USH2A: variants seen among roughly 807,000 people sequenced by gnomAD.
USH2A encodes the protein usherin.
In USH2A, 443 loss-of-function variants were observed where a neutral mutation model predicts 538.9. The observed-to-expected ratio is 0.82, with a 90% confidence interval of 0.76 to 0.89. USH2A has a LOEUF of 0.89. Among genes scored for constraint, USH2A ranks in the 40% least tolerant of loss-of-function variants. The pLI is 0.00. For synonymous variants in USH2A, 2,413 were observed against 2,273.5 expected (o/e 1.06, Z -1.75); for missense variants, 6,633 against 6,324.8 (o/e 1.05, Z -1.65).
At chr1:216,006,666 A>G (rs961900202) in intron 32 of USH2A, among the ~76,000 whole-genome samples, 1 of 152,008 alleles carries the variant, frequency 6.6e-6, no homozygotes, top group Non-Finnish European at 1.5e-5. Flanking sequence ...TCTCTTCATT[A>G]TATTGATTTG....
chr1:216,414,192 C>G (rs1349495331), intron 3 of USH2A, among the ~76,000 whole-genome samples: 1 of 151,872 alleles, frequency 6.6e-6, no homozygotes, highest in Non-Finnish European at 1.5e-5. Flanking sequence ...TTGATTTTTT[C>G]TAGTTTTAGT....
chr1:216,413,468 T>G (rs1028759661), intron 3 of USH2A, among the ~76,000 whole-genome samples: 1 of 152,090 alleles, frequency 6.6e-6, no homozygotes, highest in African/African-American at 2.4e-5. Flanking sequence ...GGTTTATCTA[T>G]TCTAACAAAT....
At chr1:216,130,081 G>A (rs1414451486) in intron 21 of USH2A, among the ~76,000 whole-genome samples, 1 of 152,052 alleles carries the variant, frequency 6.6e-6, no homozygotes, top group African/African-American at 2.4e-5. Flanking sequence ...AGACTCAAAT[G>A]TAAGACCAGA....
intron 43 of USH2A, among the ~76,000 whole-genome samples, chr1:215,872,390 T>C (rs1291496460): frequency 1.3e-5 from 2 of 152,202 alleles, no homozygotes; most frequent in Admixed American, 6.5e-5. Flanking sequence ...ATATTTTTAA[T>C]ATGAGACATT....
chr1:215,973,310 C>A (rs1256752124), intron 35 of USH2A, among the ~76,000 whole-genome samples: 2 of 152,076 alleles, frequency 1.3e-5, no homozygotes, highest in Non-Finnish European at 2.9e-5. Context: ...AGTTAATTTT[C>A]ATTGAAACTA....
intron 9 of USH2A, among the ~76,000 whole-genome samples, chr1:216,294,824 T>C (rs2037072493): frequency 6.6e-6 from 1 of 151,972 alleles, no homozygotes; most frequent in African/African-American, 2.4e-5. Flanking sequence ...AATGCCAATC[T>C]TCACCTAGTT....
At chr1:216,067,133 C>T (rs190029650) in intron 30 of USH2A, among the ~76,000 whole-genome samples, 60 of 152,222 alleles carry the variant, frequency 3.9e-4, no homozygotes, top group Non-Finnish European at 5.3e-4. Context: ...AAGCTAGAAG[C>T]CATCATTCTC....
At chr1:216,131,367 G>A (rs1444455557) in intron 21 of USH2A, among the ~76,000 whole-genome samples, 1 of 151,890 alleles carries the variant, frequency 6.6e-6, no homozygotes, top group East Asian at 1.9e-4. Context: ...TGAGCTCTTG[G>A]TCATGAAATC....
rs1340537144 is a variant in USH2A, at chr1:215,786,755, G to A, written c.10302C>T (p.Ser3434=). 1 of 1,613,856 alleles carries A rather than the reference G, an allele frequency of 6.2e-7. No individual in the cohort carries two copies. Among genetic ancestry groups the A allele is most frequent in the East Asian group, 2.2e-5 (1 of 44,882 alleles). Residue 3434 remains serine (S), a synonymous_variant, in exon 52 of 72, where the codon TCC becomes TCT. Coordinates refer to ENST00000307340, the MANE Select transcript of USH2A (RefSeq NM_206933.4). ...ICTVIRGSHN[S]TGKASIEEMC... The stretch of plus-strand genomic sequence containing the variant: ...TTTCTTCAATTGATGCCTTCCCTGT[G>A]GAATTGTGAGACCCTCTTATCACAG...
rs372640952 is a variant in USH2A at position 216,344,296 on chromosome 1, T to G, written c.785-16642A>C. Among the ~76,000 whole-genome samples the G allele has an allele frequency of 1.2e-3, 179 of 152,158 alleles. 4 individuals are homozygous for G. The South Asian group carries it at 0.036, about 31-fold the overall frequency. On this transcript the variant is annotated intron_variant, in intron 4 of 71. Transcript: ENST00000307340. ...CTCCACAGCTAGTGTCTGTCAAAAT[T>G]TAAGATTATCCAAACTGCAAATGCT...
chr1:215,657,772 G>A (rs1476440831), intron 64 of USH2A, among the ~76,000 whole-genome samples: 1 of 152,114 alleles, frequency 6.6e-6, no homozygotes, highest in Non-Finnish European at 1.5e-5. Context: ...AAAATAACAA[G>A]ACATTTCCCA....
intron 43 of USH2A, among the ~76,000 whole-genome samples, chr1:215,875,863 ATATTAATTATATATAT>A (rs1042460952): frequency 2.7e-5 from 4 of 146,816 alleles, no homozygotes; most frequent in South Asian, 2.1e-4. Flanking sequence ...ATTAATATAT[ATATTAATTATATATAT>A]TATTAATTAT....
At chr1:216,377,689 A>T (rs1405333569) in intron 3 of USH2A, among the ~76,000 whole-genome samples, 1 of 138,838 alleles carries the variant, frequency 7.2e-6, no homozygotes, top group Non-Finnish European at 1.5e-5. Flanking sequence ...AGGGAAGGGG[A>T]GGGGAGAGCA....
chr1:215,771,137 A>AG (rs1553260248), intron 55 of USH2A, among the ~76,000 whole-genome samples: 1 of 150,642 alleles, frequency 6.6e-6, no homozygotes, highest in African/African-American at 2.4e-5. Flanking sequence ...AAAAAAAAAA[A>AG]GAAAGAAAGA....
intron 16 of USH2A, among the ~76,000 whole-genome samples, chr1:216,200,479 C>T (rs1234342561): frequency 2.0e-5 from 3 of 152,164 alleles, no homozygotes; most frequent in Admixed American, 6.5e-5. Context: ...TTGTTAAACA[C>T]TAAACACACC....
At chr1:215,811,605 C>T (rs1322574535) in intron 49 of USH2A, among the ~76,000 whole-genome samples, 1 of 106,808 alleles carries the variant, frequency 9.4e-6, no homozygotes, top group Non-Finnish European at 2.0e-5. Context: ...ACTGCACTAT[C>T]CTAAAAAAAA....
At chr1:215,783,748 G>T (rs907736731) in intron 52 of USH2A, among the ~76,000 whole-genome samples, 2 of 152,110 alleles carry the variant, frequency 1.3e-5, no homozygotes, top group Non-Finnish European at 2.9e-5. Flanking sequence ...TGAATTTTAA[G>T]TAAGTATGTA....
chr1:216,087,569 C>CAGACTCA (rs140572329), intron 23 of USH2A, among the ~76,000 whole-genome samples: 2,689 of 152,138 alleles, frequency 0.018, 85 homozygotes, highest in African/African-American at 0.061. Context: ...GTAGACTATT[C>CAGACTCA]AGACTCAAGC....
chr1:216,163,608 A>T lies in USH2A; in HGVS notation c.4627+11644T>A, dbSNP rs963432160. 2.0e-5 allele frequency among the ~76,000 whole-genome samples: 3 copies of T among 150,110 alleles called. No individual in the cohort carries two copies. In the East Asian group the frequency reaches 5.9e-4, roughly 30 times the overall value. On this transcript the variant is annotated intron_variant, in intron 21 of 71. Coordinates refer to ENST00000307340, the MANE Select transcript of USH2A (RefSeq NM_206933.4). ...TCTGGTTGATGTGATCTTTCAGCAAATATCTAAATATTTTTGGTAAAAAAA... is the reference window on the plus strand; with the variant it reads ...TCTGGTTGATGTGATCTTTCAGCAATTATCTAAATATTTTTGGTAAAAAAA...
Sources: gnomAD v4.1 joint callset for allele counts (sites outside exome capture counted in the v4.1 genomes callset) on GRCh38, gnomAD v4.1.1 for gene constraint, MANE v1.5 for transcripts, NCBI Gene and HGNC (gene_info 2026-07-23, HGNC 2026-07-21) for gene names.